The following ITGA1 variants were observed in gnomAD, a reference collection of about 807,000 sequenced individuals.
ITGA1 encodes integrin subunit alpha 1.
A neutral mutation model predicts 145.9 loss-of-function variants in ITGA1; 85 were observed. The ratio of observed to expected loss-of-function variants is 0.58; its 90% CI spans 0.49 to 0.70. ITGA1 has a LOEUF of 0.70. Ranked by LOEUF, ITGA1 falls within the 30% of genes least tolerant of loss-of-function variation. The pLI is 0.00. For synonymous variants in ITGA1, 520 were observed against 495.3 expected (o/e 1.05, Z -0.66); for missense variants, 1,351 against 1,418.7 (o/e 0.95, Z 0.77).
intron 28 of ITGA1, among the ~76,000 whole-genome samples, chr5:52,952,059 G>A (rs1054890934): frequency 3.9e-5 from 6 of 151,944 alleles, no homozygotes; most frequent in Non-Finnish European, 5.9e-5. Flanking sequence ...GCATGGTGGT[G>A]CATGCCTGTA....
At chr5:52,860,198 G>A (rs1749576534) in intron 2 of ITGA1, among the ~76,000 whole-genome samples, 1 of 152,088 alleles carries the variant, frequency 6.6e-6, no homozygotes, top group South Asian at 2.1e-4. Context: ...TCTGTCTTAT[G>A]GTGCTGATTG....
At chr5:52,871,448 G>T (rs536310821) in intron 6 of ITGA1, among the ~76,000 whole-genome samples, 4 of 152,118 alleles carry the variant, frequency 2.6e-5, no homozygotes, top group Middle Eastern at 6.8e-3. Flanking sequence ...CTGTATTTTT[G>T]TTTGCTGTAT....
At chr5:52,932,206 G>T in intron 22 of ITGA1, 70 bp downstream of exon 22, 2 of 942,554 alleles carry the variant, frequency 2.1e-6, no homozygotes, top group East Asian at 2.5e-5. Flanking sequence ...TGTGGTCCCT[G>T]CCTGGCCAAG....
At chr5:52,831,020 G>A (rs1286806209) in intron 1 of ITGA1, among the ~76,000 whole-genome samples, 1 of 152,130 alleles carries the variant, frequency 6.6e-6, no homozygotes, top group Non-Finnish European at 1.5e-5. Context: ...ATCCTGCTAT[G>A]TTTTTACTTT....
At chr5:52,874,818 T>C (rs1421078009) in intron 6 of ITGA1, among the ~76,000 whole-genome samples, 1 of 152,214 alleles carries the variant, frequency 6.6e-6, no homozygotes, top group Non-Finnish European at 1.5e-5. Context: ...CAATGCATGA[T>C]GGTATGTCAT....
At chr5:52,917,537 A>T (rs142774028) in intron 15 of ITGA1, among the ~76,000 whole-genome samples, 1 of 139,048 alleles carries the variant, frequency 7.2e-6, no homozygotes, top group East Asian at 2.3e-4. Context: ...AGATTATGGT[A>T]TGTGCATATG....
Position 52,788,251 on chromosome 5 carries a change from A to G in ITGA1, c.-103A>G. 1.1e-6 allele frequency: 1 copy of G among 892,674 alleles called. No individual in the cohort carries two copies. The highest frequency in any genetic ancestry group is 1.6e-6 in the Non-Finnish European group (1 of 634,658). The allele number at this position is 892,674 out of a possible 1,614,324, so 55.3% of individuals were successfully genotyped here. A position where few individuals can be genotyped will look rare whatever the true frequency, so the allele number is the denominator to read the frequency against. On this transcript the variant is annotated 5_prime_UTR_variant, in exon 1 of 29. Coordinates refer to ENST00000282588, the MANE Select transcript of ITGA1 (RefSeq NM_181501.2). ...CTGCCACTGGGGCAGAGGACTGGGA[A>G]CCGCGGCAGCGGGATAAGTGGCCCA...
At chr5:52,898,191 C>T (rs1453837714) in intron 10 of ITGA1, 48 bp from the exon 11 acceptor site, 1 of 1,250,106 alleles carries the variant, frequency 8.0e-7, no homozygotes. Context: ...AAGTATTTCC[C>T]CTTATTATTT....
intron 15 of ITGA1, among the ~76,000 whole-genome samples, chr5:52,916,616 A>T (rs188234052): frequency 1.3e-5 from 2 of 152,060 alleles, no homozygotes; most frequent in African/African-American, 4.8e-5. Flanking sequence ...TAAAAAAAAA[A>T]CCTTTACAAT....
At chr5:52,906,517 A>G (rs534643915) in intron 12 of ITGA1, among the ~76,000 whole-genome samples, 4 of 152,386 alleles carry the variant, frequency 2.6e-5, no homozygotes, top group African/African-American at 7.2e-5. Flanking sequence ...ACATATGTAT[A>G]TATAAAAACT....
chr5:52,801,786 C>G (rs990320535), intron 1 of ITGA1: 13 of 1,613,756 alleles, frequency 8.1e-6, no homozygotes, highest in Non-Finnish European at 1.1e-5. Context: ...TTCTCCGCTT[C>G]CCTGTTCCCG....
intron 1 of ITGA1, among the ~76,000 whole-genome samples, chr5:52,816,914 T>G (rs1421773192): frequency 6.6e-6 from 1 of 152,350 alleles, no homozygotes; most frequent in East Asian, 1.9e-4. Context: ...TTCTTTGCAG[T>G]AATATTTTCA....
intron 7 of ITGA1, among the ~76,000 whole-genome samples, chr5:52,886,862 T>G (rs957618101): frequency 6.6e-6 from 1 of 152,166 alleles, no homozygotes; most frequent in East Asian, 1.9e-4. Flanking sequence ...CACTGCAAGC[T>G]CCGCCTCCCG....
chr5:52,795,176 G>A (rs1284403504), intron 1 of ITGA1, among the ~76,000 whole-genome samples: 1 of 151,880 alleles, frequency 6.6e-6, no homozygotes, highest in Non-Finnish European at 1.5e-5. Context: ...AAAAATATGA[G>A]TATGTGCCAC....
In ITGA1 at chr5:52,816,481, A is replaced by G. The variant is rs565410094; in HGVS notation, c.61+28067A>G. 2.6e-5 allele frequency among the ~76,000 whole-genome samples: 4 copies of G among 152,148 alleles called. No homozygotes were observed. In the South Asian group the frequency reaches 8.3e-4, roughly 32 times the overall value. Reference sequence around the variant, plus strand: ...GGCATGAAGTCTTCCTATTGCCCCAACCCACATAAACACACTAGAAATTTT... The same window carrying G: ...GGCATGAAGTCTTCCTATTGCCCCAGCCCACATAAACACACTAGAAATTTT... On this transcript the variant is annotated intron_variant, in intron 1 of 28. Transcript: ENST00000282588.
intron 11 of ITGA1, chr5:52,903,035 C>T (rs899652956): frequency 3.3e-5 from 5 of 152,066 alleles, no homozygotes; most frequent in African/African-American, 9.7e-5. Flanking sequence ...TTAGTAACTA[C>T]GCTAACTGGT....
intron 1 of ITGA1, among the ~76,000 whole-genome samples, chr5:52,835,738 T>G (rs1359652247): frequency 6.6e-6 from 1 of 152,174 alleles, no homozygotes; most frequent in African/African-American, 2.4e-5. Flanking sequence ...GTGTTCTTTT[T>G]GTTGTTGTTA....
intron 7 of ITGA1, among the ~76,000 whole-genome samples, chr5:52,885,695 TG>T (rs1245281857): frequency 1.3e-5 from 2 of 152,200 alleles, no homozygotes; most frequent in Non-Finnish European, 2.9e-5. Context: ...GTGTGAGCAA[TG>T]GGCTTTTACG....
intron 10 of ITGA1, 85 bp downstream of exon 10, chr5:52,897,613 G>A (rs970924838): frequency 1.1e-6 from 1 of 881,454 alleles, no homozygotes; most frequent in Non-Finnish European, 1.9e-6. Flanking sequence ...CAGTATGTAA[G>A]TGCAACGTGC....
Sources: gnomAD v4.1 joint callset for allele counts (sites outside exome capture counted in the v4.1 genomes callset) on GRCh38, gnomAD v4.1.1 for gene constraint, MANE v1.5 for transcripts, NCBI Gene and HGNC (gene_info 2026-07-23, HGNC 2026-07-21) for gene names.